Variants in CTNND2 observed in about 807,000 individuals in gnomAD.
The protein encoded by CTNND2 is catenin delta 2.
Under a neutral mutation model 144.4 loss-of-function variants are expected in CTNND2, and 22 were observed. The observed-to-expected ratio is 0.15, with a 90% CI of 0.11 to 0.22. The LOEUF is 0.22. CTNND2 is among the 10% of genes least tolerant of loss of function. The pLI is 1.00. For missense variants in CTNND2, 1,353 were observed against 1,618.8 expected (o/e 0.84, Z 2.82); for synonymous variants, 751 against 695.6 (o/e 1.08, Z -1.25).
At chr5:11,301,587 A>G (rs1025756923) in intron 9 of CTNND2, among the ~76,000 whole-genome samples, 2 of 152,232 alleles carry the variant, frequency 1.3e-5, no homozygotes, top group African/African-American at 4.8e-5. Flanking sequence ...AATATCAAAC[A>G]TTATTTTCTT....
At chr5:11,383,840 C>A (rs1357790607) in intron 7 of CTNND2, among the ~76,000 whole-genome samples, 4 of 152,182 alleles carry the variant, frequency 2.6e-5, no homozygotes, top group African/African-American at 4.8e-5. Context: ...GTCTTTCAAT[C>A]ATGGTGTCTT....
At chr5:10,986,544 C>T (rs1451922981) in intron 20 of CTNND2, 11 of 446,364 alleles carry the variant, frequency 2.5e-5, no homozygotes, top group Non-Finnish European at 4.9e-5. Context: ...AATGTCTAGA[C>T]TCCAGGGACT....
At chr5:11,212,521 C>A (rs1346144777) in intron 10 of CTNND2, among the ~76,000 whole-genome samples, 1 of 152,192 alleles carries the variant, frequency 6.6e-6, no homozygotes, top group Non-Finnish European at 1.5e-5. Flanking sequence ...GACAATGGTG[C>A]CTCTTCTTGG....
intron 1 of CTNND2, among the ~76,000 whole-genome samples, chr5:11,806,222 T>G (rs1005340485): frequency 1.3e-5 from 2 of 152,106 alleles, no homozygotes; most frequent in Non-Finnish European, 2.9e-5. Context: ...CATAGTAATG[T>G]AAGATGTTCA....
intron 9 of CTNND2, among the ~76,000 whole-genome samples, chr5:11,245,547 A>G (rs1013315838): frequency 2.0e-5 from 3 of 152,150 alleles, no homozygotes; most frequent in Non-Finnish European, 4.4e-5. Context: ...GGTGCAAGGA[A>G]TGCAGCTCTA....
chr5:11,087,673 T>C (rs1467453414), intron 15 of CTNND2, among the ~76,000 whole-genome samples: 1 of 151,340 alleles, frequency 6.6e-6, no homozygotes. Flanking sequence ...AAGAATTCCA[T>C]TCTGTTAGTA....
intron 5 of CTNND2, among the ~76,000 whole-genome samples, chr5:11,397,743 G>A (rs143439946): frequency 1.4e-3 from 212 of 152,226 alleles, no homozygotes; most frequent in Non-Finnish European, 2.4e-3. Context: ...GGAATTCACC[G>A]TCGCCTCACA....
chr5:11,431,741 A>G (rs921074003), intron 3 of CTNND2, among the ~76,000 whole-genome samples: 5 of 152,088 alleles, frequency 3.3e-5, no homozygotes, highest in Non-Finnish European at 7.4e-5. Flanking sequence ...TGCCTCAGTT[A>G]TTGCCATATG....
At chr5:11,445,132 A>G (rs1351893051) in intron 3 of CTNND2, among the ~76,000 whole-genome samples, 6 of 152,122 alleles carry the variant, frequency 3.9e-5, no homozygotes, top group Non-Finnish European at 4.4e-5. Context: ...GCTCTTTCTG[A>G]GCACTCCACA....
intron 2 of CTNND2, among the ~76,000 whole-genome samples, chr5:11,718,969 A>C (rs2126712136): frequency 6.6e-6 from 1 of 152,326 alleles, no homozygotes; most frequent in Admixed American, 6.5e-5. Context: ...TAATTCATCA[A>C]GCTGATATCA....
In CTNND2 at chr5:11,903,199, C is replaced by A; in HGVS notation, c.37+618G>T. 3 of 985,462 alleles carry A rather than the reference C, an allele frequency of 3.0e-6. No homozygotes were observed. The highest frequency in any genetic ancestry group is 3.6e-6 in the Non-Finnish European group (3 of 829,974). The allele number at this position is 985,462 out of a possible 1,614,324, so 61.0% of individuals were successfully genotyped here. ...GGCTTTCAGGCGGCGCTTTCTGGAG[C>A]CTGGCTGTCTATTGTCAGCACGCAG... On this transcript the variant is annotated intron_variant, in intron 1 of 21. Transcript: ENST00000304623. This position sits in a 1 kb window ranked among gnomAD's most constrained non-coding sequence, Gnocchi z 5.4.
intron 6 of CTNND2, chr5:11,385,853 G>A (rs541979328): frequency 1.1e-5 from 1 of 92,732 alleles, no homozygotes; most frequent in Non-Finnish European, 2.2e-5. Context: ...AATTCGCTTC[G>A]TCTTTTCAGC....
intron 9 of CTNND2, among the ~76,000 whole-genome samples, chr5:11,277,500 A>ATATT (rs202245115): frequency 0.1 from 14,315 of 136,600 alleles, 884 homozygotes; most frequent in Non-Finnish European, 0.13. Flanking sequence ...CTTTTTAAAA[A>ATATT]TATTTATTTA....
At chr5:11,532,820 T>C (rs765036093) in intron 3 of CTNND2, among the ~76,000 whole-genome samples, 3 of 152,244 alleles carry the variant, frequency 2.0e-5, no homozygotes, top group Non-Finnish European at 4.4e-5. Flanking sequence ...CTGGATCAGA[T>C]GTTACAGCAA....
intron 2 of CTNND2, among the ~76,000 whole-genome samples, chr5:11,628,133 GATAGCTA>G (rs974562621): frequency 1.4e-4 from 22 of 152,160 alleles, no homozygotes; most frequent in African/African-American, 5.3e-4. Flanking sequence ...TTTGGATAGG[GATAGCTA>G]TTATACAGAT....
At chr5:11,350,050 T>C (rs1755169830) in intron 8 of CTNND2, among the ~76,000 whole-genome samples, 1 of 152,122 alleles carries the variant, frequency 6.6e-6, no homozygotes, top group African/African-American at 2.4e-5. Flanking sequence ...GACAGGAGAA[T>C]TGCTTGAACC....
chr5:11,550,885 G>GT (rs573609727), intron 3 of CTNND2, among the ~76,000 whole-genome samples: 15 of 152,262 alleles, frequency 9.9e-5, no homozygotes, highest in Admixed American at 2.0e-4. Flanking sequence ...TTTGTTAAAT[G>GT]TTTTTTTGAA....
chr5:10,999,529 G>A (rs1215153487), intron 18 of CTNND2, among the ~76,000 whole-genome samples: 1 of 152,182 alleles, frequency 6.6e-6, no homozygotes, highest in East Asian at 1.9e-4. Context: ...GAAGGGCCAT[G>A]AATCCTTCCT....
At chr5:11,558,347 T>TAC (rs1561554238) in intron 3 of CTNND2, among the ~76,000 whole-genome samples, 117 of 97,368 alleles carry the variant, frequency 1.2e-3, no homozygotes, top group African/African-American at 3.7e-3. Flanking sequence ...AACACGTGTG[T>TAC]GTGTGTGTGT....
Sources: allele counts gnomAD v4.1 joint callset (sites outside exome capture counted in the v4.1 genomes callset), GRCh38; gene constraint gnomAD v4.1.1; non-coding constraint Gnocchi (gnomAD v3.1); transcripts MANE v1.5; gene names NCBI Gene and HGNC (gene_info 2026-07-23, HGNC 2026-07-21).